Variants in ITIH5 observed in about 807,000 individuals in gnomAD.
The protein encoded by ITIH5 is inter-alpha-trypsin inhibitor heavy chain H5.
In ITIH5, 65 loss-of-function variants were observed where a neutral mutation model predicts 77.5. The observed-to-expected ratio is 0.84, with a 90% CI of 0.69 to 1.03. ITIH5 has a LOEUF of 1.03. ITIH5 is among the 50% of genes least tolerant of loss of function. The pLI, the probability that ITIH5 is intolerant of heterozygous loss-of-function variation, is 0.00. For missense variants in ITIH5, 1,208 were observed against 1,213.1 expected (o/e 1.00, Z 0.06); for synonymous variants, 525 against 494.3 (o/e 1.06, Z -0.82).
intron 7 of ITIH5, among the ~76,000 whole-genome samples, chr10:7,590,899 CTTATT>C (rs909453626): frequency 6.6e-6 from 1 of 152,106 alleles, no homozygotes; most frequent in African/African-American, 2.4e-5. Flanking sequence ...TCTAATGTCT[CTTATT>C]TTATTTTATT....
At chr10:7,596,939 C>T (rs1360366926) in intron 7 of ITIH5, among the ~76,000 whole-genome samples, 1 of 148,340 alleles carries the variant, frequency 6.7e-6, no homozygotes, top group Non-Finnish European at 1.5e-5. Flanking sequence ...CCCAGCTACT[C>T]GGGAGGTGAG....
chr10:7,590,271 A>C (rs1439393849), intron 7 of ITIH5, among the ~76,000 whole-genome samples: 4 of 152,180 alleles, frequency 2.6e-5, no homozygotes, highest in South Asian at 2.1e-4. Context: ...ACATCCTTCA[A>C]CACCACCCTG....
At chr10:7,629,068 C>T (rs866041026) in intron 5 of ITIH5, among the ~76,000 whole-genome samples, 727 of 38,044 alleles carry the variant, frequency 0.019, 8 homozygotes, top group Middle Eastern at 0.14. Flanking sequence ...GTAGCGTGTG[C>T]CCATGTTGTA....
At chr10:7,625,702 T>C (rs181077135) in intron 5 of ITIH5, among the ~76,000 whole-genome samples, 147 of 151,332 alleles carry the variant, frequency 9.7e-4, no homozygotes, top group African/African-American at 3.5e-3. Flanking sequence ...GAGGCAGAGA[T>C]TGCCATGAGC....
intron 5 of ITIH5, chr10:7,618,971 C>T (rs1234665503): frequency 1.3e-5 from 2 of 152,148 alleles, no homozygotes; most frequent in Non-Finnish European, 2.9e-5. Context: ...TGGAAGTGAT[C>T]AGAGAGCCAG....
chr10:7,659,335 T>C (rs1384764970), intron 1 of ITIH5, among the ~76,000 whole-genome samples: 1 of 151,826 alleles, frequency 6.6e-6, no homozygotes. Context: ...GCCGAGATCA[T>C]GCCACTATAC....
rs112757694 is a variant in ITIH5 at position 7,624,784 on chromosome 10, TAAAA to T, written c.653-7506_653-7503del. 3.2e-3 allele frequency among the ~76,000 whole-genome samples: 101 copies of T among 31,756 alleles called. 4 individuals carry two copies. The highest frequency in any genetic ancestry group is 4.3e-3 in the Admixed American group (9 of 2,096). 20.8% of individuals were successfully genotyped at this position (31,756 alleles called of 152,430 possible). ...CTGGGCGATAGAGTGAGACTCTGCC[TAAAA>T]AAAAAAAAAAATATATATATATATA... On this transcript the variant is annotated intron_variant, in intron 5 of 13. Transcript: ENST00000397146.
At chr10:7,600,432 C>G in intron 7 of ITIH5, 4 of 432,568 alleles carry the variant, frequency 9.2e-6, no homozygotes, top group Non-Finnish European at 1.4e-5. Flanking sequence ...CATCTCTGAG[C>G]ACTAGGTCCC....
At chr10:7,639,335 G>A (rs1213640509) in intron 4 of ITIH5, among the ~76,000 whole-genome samples, 1 of 152,220 alleles carries the variant, frequency 6.6e-6, no homozygotes, top group Non-Finnish European at 1.5e-5. Context: ...CTGACAAGCA[G>A]ACTAAAGATT....
chr10:7,637,125 T>C (rs943931713), intron 5 of ITIH5, 103 bp downstream of exon 5: 1 of 1,381,456 alleles, frequency 7.2e-7, no homozygotes, highest in African/African-American at 1.4e-5. Context: ...TGCAAAGGCT[T>C]TGCTGAAGGG....
Position 7,640,755 on chromosome 10 carries a change from C to G in ITIH5, c.400G>C (p.Gly134Arg). 6.3e-7 allele frequency: 1 copy of G among 1,598,170 alleles called. No homozygotes were observed. Among genetic ancestry groups the G allele is most frequent in the Non-Finnish European group, 8.6e-7 (1 of 1,165,884 alleles). ...ATTCCTTAATTAACCAATACTTACC[C>G]ATTTTCTTCTGTGGTTTTATTCCTT... ...EKRNKTTEENGEKGTEIFRAS... is the reference protein window; with the variant it reads ...EKRNKTTEENREKGTEIFRAS... Residue 134 changes from glycine to arginine, a missense_variant and splice_region_variant, in exon 4 of 14, where the codon GGA becomes CGA. Gly to Arg is a moderately radical substitution (Grantham distance 125). Transcript: ENST00000397146.
intron 7 of ITIH5, among the ~76,000 whole-genome samples, chr10:7,605,224 C>T (rs536404083): frequency 1.3e-5 from 2 of 151,796 alleles, no homozygotes; most frequent in South Asian, 2.1e-4. Flanking sequence ...ACGCTTTGCA[C>T]ATGTCACGCA....
Position 7,572,264 on chromosome 10 carries a change from G to C in ITIH5, c.2032+878C>G, listed in dbSNP as rs886433953. 2.2e-6 allele frequency: 3 copies of C among 1,343,150 alleles called. No individual in the cohort carries two copies. The African/African-American group carries it at 4.5e-5, about 20-fold the overall frequency. 83.2% of individuals were successfully genotyped at this position (1,343,150 alleles called of 1,614,324 possible). A position where few individuals can be genotyped will look rare whatever the true frequency, so the allele number is the denominator to read the frequency against. On this transcript the variant is annotated intron_variant, in intron 11 of 13. Coordinates refer to ENST00000397146, the MANE Select transcript of ITIH5 (RefSeq NM_030569.7). ...GCAACAATCAAGACTTCCAGAGGAT[G>C]ATCTGGACACAGCAGAACAAAACCC...
chr10:7,575,655 G>GA (rs1204426743), intron 10 of ITIH5, among the ~76,000 whole-genome samples: 1 of 152,090 alleles, frequency 6.6e-6, no homozygotes, highest in African/African-American at 2.4e-5. Context: ...CAGATTCTCA[G>GA]AGACTGACAT....
At chr10:7,574,673 G>C (rs180767805) in intron 10 of ITIH5, among the ~76,000 whole-genome samples, 1 of 151,730 alleles carries the variant, frequency 6.6e-6, no homozygotes, top group East Asian at 1.9e-4. Flanking sequence ...GGCACCCGTA[G>C]TCCCAGCTAC....
At chr10:7,629,582 C>T (rs1011968555) in intron 5 of ITIH5, among the ~76,000 whole-genome samples, 6 of 117,998 alleles carry the variant, frequency 5.1e-5, no homozygotes, top group East Asian at 4.9e-4. Context: ...TCTGTGTTTT[C>T]GCATGTGTCC....
chr10:7,633,599 C>T (rs544036221), intron 5 of ITIH5, among the ~76,000 whole-genome samples: 32 of 151,922 alleles, frequency 2.1e-4, no homozygotes, highest in African/African-American at 7.2e-4. Context: ...AATATGAGAC[C>T]TTGTCCATAT....
At chr10:7,627,418 G>A (rs1466836483) in intron 5 of ITIH5, among the ~76,000 whole-genome samples, 3 of 152,034 alleles carry the variant, frequency 2.0e-5, no homozygotes, top group Non-Finnish European at 4.4e-5. Flanking sequence ...CTAGTCTCTG[G>A]TCGAGGGGAC....
chr10:7,647,224 C>T (rs748780135), intron 2 of ITIH5, among the ~76,000 whole-genome samples: 1 of 152,180 alleles, frequency 6.6e-6, no homozygotes, highest in Non-Finnish European at 1.5e-5. Context: ...GCAAGCTATG[C>T]CAGGCAGGCC....
Sources: allele counts gnomAD v4.1 joint callset (sites outside exome capture counted in the v4.1 genomes callset), GRCh38; gene constraint gnomAD v4.1.1; transcripts MANE v1.5; gene names NCBI Gene and HGNC (gene_info 2026-07-23, HGNC 2026-07-21).